The following SLC39A12 variants were observed in gnomAD, a reference collection of about 807,000 sequenced individuals.
SLC39A12 encodes solute carrier family 39 member 12.
Under a neutral mutation model 71.1 loss-of-function variants are expected in SLC39A12, and 63 were observed. That is an observed-to-expected ratio of 0.89 (90% CI 0.72 to 1.09). The LOEUF is 1.09. Among genes scored for constraint, SLC39A12 ranks in the 50% least tolerant of loss-of-function variants. The pLI is 0.00. For synonymous variants in SLC39A12, 351 were observed against 301.3 expected, an observed-to-expected ratio of 1.16 and a Z score of -1.71; for missense variants, 892 against 812.6, an observed-to-expected ratio of 1.10 and a Z score of -1.19.
intron 7 of SLC39A12, among the ~76,000 whole-genome samples, chr10:17,989,636 G>C (rs755310728): frequency 1.3e-5 from 2 of 152,044 alleles, no homozygotes; most frequent in Non-Finnish European, 2.9e-5. Context: ...AAAGAGACAA[G>C]AGCCGGGTGC....
chr10:18,030,045 TCATC>T (rs1475372008), intron 12 of SLC39A12, among the ~76,000 whole-genome samples: 4 of 150,650 alleles, frequency 2.7e-5, no homozygotes, highest in Non-Finnish European at 5.9e-5. Context: ...GTTCATATGT[TCATC>T]CATAATCATA....
At chr10:18,040,093 T>A (rs16916787) in intron 12 of SLC39A12, among the ~76,000 whole-genome samples, 15,025 of 152,260 alleles carry the variant, frequency 0.099, 1,166 homozygotes, top group East Asian at 0.21. Flanking sequence ...ACGTAATATA[T>A]AAAACATGAA....
chr10:17,953,193 A>G lies in SLC39A12; in HGVS notation c.-84A>G. The G allele has an allele frequency of 6.7e-7, 1 of 1,497,166 alleles. No individual in the cohort carries two copies. Among genetic ancestry groups the G allele is most frequent in the Non-Finnish European group, 9.0e-7 (1 of 1,112,602 alleles). 92.7% of individuals were successfully genotyped at this position (1,497,166 alleles called of 1,614,324 possible). On this transcript the variant is annotated splice_region_variant and 5_prime_UTR_variant, in exon 2 of 13. Transcript: ENST00000377369. ...TTTATTTTTCCCCTTTACCACAGAA[A>G]TTCCTTTGGTTACAAGTTTACCCCA... is the stretch of plus-strand genomic sequence containing the variant.
intron 3 of SLC39A12, 83 bp from the exon 4 acceptor site, chr10:17,965,400 C>T: frequency 7.7e-7 from 1 of 1,301,554 alleles, no homozygotes; most frequent in Non-Finnish European, 1.1e-6. Flanking sequence ...TTCCTTATCC[C>T]TTTAGGGGGA....
chr10:17,955,694 A>G (rs1834527242), intron 2 of SLC39A12, among the ~76,000 whole-genome samples: 1 of 152,204 alleles, frequency 6.6e-6, no homozygotes, highest in Admixed American at 6.5e-5. Flanking sequence ...AATGCTTCCA[A>G]TTTTACGTCT....
intron 12 of SLC39A12, among the ~76,000 whole-genome samples, chr10:18,027,835 A>G (rs988074130): frequency 1.3e-5 from 2 of 152,250 alleles, no homozygotes; most frequent in Non-Finnish European, 2.9e-5. Flanking sequence ...GACTTGCACC[A>G]TCATGTTCCA....
intron 9 of SLC39A12, among the ~76,000 whole-genome samples, chr10:17,994,390 T>G (rs1334897922): frequency 1.3e-5 from 2 of 151,362 alleles, no homozygotes; most frequent in Non-Finnish European, 2.9e-5. Flanking sequence ...TGAGTTTAAT[T>G]TCTTGTTTTT....
intron 12 of SLC39A12, among the ~76,000 whole-genome samples, chr10:18,036,376 A>T (rs1344470988): frequency 6.6e-6 from 1 of 152,088 alleles, no homozygotes; most frequent in African/African-American, 2.4e-5. Flanking sequence ...AGCCGGTCTG[A>T]AAAGCGCAGT....
rs1211858834 is a variant in SLC39A12, at chr10:17,990,106, AT to A, written c.1270-1041del. On this transcript the variant is annotated intron_variant, in intron 7 of 12. Coordinates refer to ENST00000377369, the MANE Select transcript of SLC39A12 (RefSeq NM_001145195.2). ...TGTTCAACTGAAAGATCTACATTTT[AT>A]TTTGAGATCTGGGGTTTTTCTTCTG... Among the ~76,000 whole-genome samples, 3 of 152,256 alleles carry A rather than the reference AT, an allele frequency of 2.0e-5. No individual in the cohort carries two copies. In the East Asian group the frequency reaches 5.8e-4, roughly 29 times the overall value.
chr10:18,008,478 T>A (rs1836100642), intron 12 of SLC39A12: 1 of 152,158 alleles, frequency 6.6e-6, no homozygotes, highest in Non-Finnish European at 1.5e-5. Context: ...TATATTACAA[T>A]GTAATAATAA....
intron 12 of SLC39A12, among the ~76,000 whole-genome samples, chr10:18,016,816 A>G (rs1024856893): frequency 6.6e-6 from 1 of 152,224 alleles, no homozygotes; most frequent in Non-Finnish European, 1.5e-5. Flanking sequence ...CATCTTTTAT[A>G]TGACTACTTG....
At chr10:18,025,632 A>C (rs983783004) in intron 12 of SLC39A12, among the ~76,000 whole-genome samples, 6 of 152,132 alleles carry the variant, frequency 3.9e-5, no homozygotes, top group Non-Finnish European at 8.8e-5. Context: ...CCAGTCTATC[A>C]TTGTTGGACA....
intron 12 of SLC39A12, among the ~76,000 whole-genome samples, chr10:18,016,635 G>A (rs901394009): frequency 3.3e-5 from 5 of 152,164 alleles, no homozygotes; most frequent in African/African-American, 1.2e-4. Context: ...CTTCCAAAGT[G>A]GCTGTACCTT....
At chr10:18,006,791 G>C (rs946322600) in intron 12 of SLC39A12, among the ~76,000 whole-genome samples, 1 of 152,144 alleles carries the variant, frequency 6.6e-6, no homozygotes, top group Non-Finnish European at 1.5e-5. Flanking sequence ...ACACACCTGA[G>C]TACTAAGAGC....
At chr10:17,979,628 A>G (rs1835203415) in intron 5 of SLC39A12, among the ~76,000 whole-genome samples, 1 of 151,674 alleles carries the variant, frequency 6.6e-6, no homozygotes, top group Admixed American at 6.6e-5. Context: ...GATAAAGGGA[A>G]AAAAAAACAC....
At chr10:17,959,705 C>T (rs72784717) in intron 2 of SLC39A12, among the ~76,000 whole-genome samples, 18,614 of 152,134 alleles carry the variant, frequency 0.12, 1,587 homozygotes, top group Non-Finnish European at 0.18. Context: ...AAGGCAGCTT[C>T]CCTCTTGCTG....
intron 4 of SLC39A12, among the ~76,000 whole-genome samples, chr10:17,970,670 T>C (rs992542963): frequency 7.7e-6 from 1 of 130,070 alleles, no homozygotes; most frequent in African/African-American, 3.1e-5. Flanking sequence ...TCAGTTCTAA[T>C]AGTTTGTGTG....
At chr10:18,036,934 C>T (rs573586147) in intron 12 of SLC39A12, among the ~76,000 whole-genome samples, 1 of 151,284 alleles carries the variant, frequency 6.6e-6, no homozygotes, top group South Asian at 2.1e-4. Flanking sequence ...TGACAGGCAC[C>T]CGCCACCATG....
chr10:17,991,517 G>A (rs1835547310), intron 8 of SLC39A12, among the ~76,000 whole-genome samples: 1 of 152,066 alleles, frequency 6.6e-6, no homozygotes, highest in Non-Finnish European at 1.5e-5. Flanking sequence ...AAGACCTTTT[G>A]TTCAACCTTC....
Sources: gnomAD v4.1 joint callset for allele counts (sites outside exome capture counted in the v4.1 genomes callset) on GRCh38, gnomAD v4.1.1 for gene constraint, MANE v1.5 for transcripts, NCBI Gene and HGNC (gene_info 2026-07-23, HGNC 2026-07-21) for gene names.